DLGAP2: variants seen among roughly 807,000 people sequenced by gnomAD.
DLGAP2 encodes DLG associated protein 2.
In DLGAP2, 26 loss-of-function variants were observed where a neutral mutation model predicts 100.3. The ratio of observed to expected loss-of-function variants is 0.26; its 90% CI spans 0.19 to 0.36. The LOEUF (loss-of-function observed/expected upper bound fraction) is 0.36. Among genes scored for constraint, DLGAP2 ranks in the 10% least tolerant of loss-of-function variants. The pLI is 1.00. For synonymous variants in DLGAP2, 886 were observed against 630.1 expected (o/e 1.41, Z -6.08); for missense variants, 1,858 against 1,453.2 (o/e 1.28, Z -4.53).
intron 2 of DLGAP2, among the ~76,000 whole-genome samples, chr8:1,031,258 A>G (rs1801963717): frequency 6.6e-6 from 1 of 152,178 alleles, no homozygotes; most frequent in Non-Finnish European, 1.5e-5. Flanking sequence ...CTTGAAGTTC[A>G]GGATGGAGGA....
At chr8:1,534,832 C>T (rs530660264) in intron 4 of DLGAP2, among the ~76,000 whole-genome samples, 15 of 152,304 alleles carry the variant, frequency 9.8e-5, no homozygotes, top group Non-Finnish European at 2.1e-4. Context: ...CGTGTGCGCA[C>T]GTGTGCTTGC....
intron 8 of DLGAP2, among the ~76,000 whole-genome samples, chr8:1,649,118 A>G (rs1486007295): frequency 6.6e-6 from 1 of 152,216 alleles, no homozygotes; most frequent in Non-Finnish European, 1.5e-5. Flanking sequence ...CCAGGTGTAT[A>G]CATTGAATTT....
chr8:1,590,407 G>T (rs1054950063), intron 6 of DLGAP2, among the ~76,000 whole-genome samples: 3 of 152,154 alleles, frequency 2.0e-5, no homozygotes, highest in African/African-American at 7.2e-5. Context: ...CCATCTCCGT[G>T]TTGGCTTTTC....
chr8:1,190,680 C>T (rs1797614334), intron 2 of DLGAP2, among the ~76,000 whole-genome samples: 1 of 152,120 alleles, frequency 6.6e-6, no homozygotes, highest in Admixed American at 6.5e-5. Flanking sequence ...TCCTCCCAAC[C>T]CCGTGTCTTA....
chr8:802,502 G>T (rs1796190821), intron 1 of DLGAP2, among the ~76,000 whole-genome samples: 2 of 152,164 alleles, frequency 1.3e-5, no homozygotes, highest in South Asian at 4.1e-4. Flanking sequence ...AACTTGCTGG[G>T]TGGTGGTAGC....
At chr8:1,421,839 C>T (rs975203613) in intron 3 of DLGAP2, among the ~76,000 whole-genome samples, 2 of 152,022 alleles carry the variant, frequency 1.3e-5, no homozygotes, top group Admixed American at 1.3e-4. Context: ...TGGCACATGC[C>T]TGTAATCCCA....
At chr8:930,360 G>A (rs1798927348) in intron 2 of DLGAP2, among the ~76,000 whole-genome samples, 1 of 151,706 alleles carries the variant, frequency 6.6e-6, no homozygotes, top group African/African-American at 2.4e-5. Flanking sequence ...GGAAATTATT[G>A]TGTCCTACAG....
At chr8:1,518,868 C>T (rs182512968) in intron 4 of DLGAP2, among the ~76,000 whole-genome samples, 4 of 152,296 alleles carry the variant, frequency 2.6e-5, no homozygotes, top group East Asian at 1.9e-4. Context: ...GGATACTGAG[C>T]GGCATCTGGA....
intron 3 of DLGAP2, among the ~76,000 whole-genome samples, chr8:1,430,037 C>G (rs1286126949): frequency 3.5e-5 from 1 of 28,524 alleles, no homozygotes; most frequent in Non-Finnish European, 1.0e-4. Flanking sequence ...TACACACACA[C>G]ACATATGAAC....
chr8:1,667,785 G>A (rs934166045), intron 8 of DLGAP2, among the ~76,000 whole-genome samples: 3 of 152,302 alleles, frequency 2.0e-5, no homozygotes, highest in Non-Finnish European at 4.4e-5. Flanking sequence ...CATTTTCCAC[G>A]ATGACATGAC....
In DLGAP2 at chr8:1,549,213, G is replaced by A. The variant is rs759524900; in HGVS notation, c.760G>A (p.Ala254Thr). 3.7e-6 allele frequency: 6 copies of A among 1,602,684 alleles called. No individual in the cohort carries two copies. The highest frequency in any genetic ancestry group is 4.3e-6 in the Non-Finnish European group (5 of 1,175,518). ...GCTGGAGGGCTCCTCCAAAAGCAAC[G>A]CCAACGGCACCAAGGCGGACGGCCG... is the stretch of plus-strand genomic sequence containing the variant. The part of the protein sequence containing the change: ...HSLEGSSKSN[A>T]NGTKADGRAD... Residue 254 changes from alanine to threonine, a missense_variant, in exon 5 of 15, where the codon GCC becomes ACC. Coordinates refer to ENST00000637795, the MANE Select transcript of DLGAP2 (RefSeq NM_001346810.2).
intron 2 of DLGAP2, among the ~76,000 whole-genome samples, chr8:1,258,050 TC>T: frequency 1.3e-5 from 2 of 152,336 alleles, no homozygotes; most frequent in East Asian, 3.9e-4. Flanking sequence ...AATGCCGTGC[TC>T]CCAAAGTGTT....
chr8:1,466,725 T>C (rs1049162641), intron 3 of DLGAP2, among the ~76,000 whole-genome samples: 1 of 152,138 alleles, frequency 6.6e-6, no homozygotes, highest in African/African-American at 2.4e-5. Flanking sequence ...CATGCAGCTC[T>C]CAGTGAGAGG....
chr8:1,169,195 T>A (rs1197815767), intron 2 of DLGAP2, among the ~76,000 whole-genome samples: 1 of 152,108 alleles, frequency 6.6e-6, no homozygotes, highest in East Asian at 1.9e-4. Context: ...TGGTTGTAGA[T>A]ATGCGGCGTT....
chr8:948,816 A>G (rs1217450178), intron 2 of DLGAP2, among the ~76,000 whole-genome samples: 1 of 152,262 alleles, frequency 6.6e-6, no homozygotes, highest in East Asian at 1.9e-4. Context: ...TGACCGGGCA[A>G]ACACCTCATG....
intron 3 of DLGAP2, among the ~76,000 whole-genome samples, chr8:1,358,978 C>G (rs1801916728): frequency 6.6e-6 from 1 of 152,200 alleles, no homozygotes; most frequent in Non-Finnish European, 1.5e-5. Context: ...GGGTCTGAAA[C>G]TTCCCTGCAC....
intron 2 of DLGAP2, among the ~76,000 whole-genome samples, chr8:986,512 TA>T (rs1488752567): frequency 6.6e-6 from 1 of 152,084 alleles, no homozygotes; most frequent in African/African-American, 2.4e-5. Flanking sequence ...TACTTAGAGT[TA>T]AAAATTACAG....
intron 6 of DLGAP2, among the ~76,000 whole-genome samples, chr8:1,587,734 A>G (rs1475971368): frequency 6.6e-6 from 1 of 152,142 alleles, no homozygotes; most frequent in African/African-American, 2.4e-5. Flanking sequence ...ACTTTTTCAA[A>G]TTTTTATAAT....
chr8:1,517,729 C>T (rs960109457), intron 4 of DLGAP2, among the ~76,000 whole-genome samples: 6 of 152,310 alleles, frequency 3.9e-5, no homozygotes, highest in South Asian at 2.1e-4. Flanking sequence ...TCTGCAGTTA[C>T]GCTTGGAGTT....
Sources: gnomAD v4.1 joint callset for allele counts (sites outside exome capture counted in the v4.1 genomes callset) on GRCh38, gnomAD v4.1.1 for gene constraint, MANE v1.5 for transcripts, NCBI Gene and HGNC (gene_info 2026-07-23, HGNC 2026-07-21) for gene names.